The following ATAD5 variants were observed in gnomAD, a reference collection of about 807,000 sequenced individuals.
The protein encoded by ATAD5 is ATPase family AAA domain containing 5, also known as ATPase family AAA domain-containing protein 5.
Under a neutral mutation model 176.9 loss-of-function variants are expected in ATAD5, and 58 were observed. The observed-to-expected ratio is 0.33, with a 90% CI of 0.27 to 0.41. The LOEUF (loss-of-function observed/expected upper bound fraction) is 0.41. ATAD5 is among the 10% of genes least tolerant of loss of function. ATAD5 has a pLI of 1.00. For synonymous variants in ATAD5, 640 were observed against 712.6 expected (o/e 0.90, Z 1.62); for missense variants, 1,789 against 2,094.1 (o/e 0.85, Z 2.84).
In ATAD5 at chr17:30,868,432, T is replaced by C. The variant is rs1481866174; in HGVS notation, c.3313+20T>C. 6.7e-7 allele frequency: 1 copy of C among 1,482,870 alleles called. No homozygotes were observed. The allele number at this position is 1,482,870 out of a possible 1,614,324, so 91.9% of individuals were successfully genotyped here. ...ATGAAGGTATTTTGTGTGTCTTTTT[T>C]TTTTTTTTTACCATTTCACTGAACA... On this transcript the variant is annotated intron_variant, in intron 12 of 22. Transcript: ENST00000321990.
At chr17:30,849,122 C>T (rs761892324) in intron 6 of ATAD5, among the ~76,000 whole-genome samples, 38 of 152,094 alleles carry the variant, frequency 2.5e-4, no homozygotes, top group Non-Finnish European at 4.4e-4. Flanking sequence ...CTGCCTGCCT[C>T]GGCCTCCCAA....
Position 30,857,069 on chromosome 17 carries a change from C to T in ATAD5, c.2750C>T (p.Ser917Leu). 6.2e-7 allele frequency: 1 copy of T among 1,611,290 alleles called. No individual in the cohort carries two copies. The highest frequency in any genetic ancestry group is 1.1e-5 in the South Asian group (1 of 90,318). ...TGTGGTATTGCTCTTGGTGAATTTT[C>T]AACATTGAATTCAAAGTTGAAAAGC... ...SKCGIALGEFSTLNSKLKSGN... is the reference protein window; with the variant it reads ...SKCGIALGEFLTLNSKLKSGN... Residue 917 changes from serine (S) to leucine (L), a missense_variant, in exon 8 of 23, where the codon TCA becomes TTA. This residue lies in a region of ATAD5 where 487 missense variants were observed against 573.6 expected (regional missense o/e 0.85). Transcript: ENST00000321990.
At chr17:30,887,138 T>G in intron 18 of ATAD5, 54 bp from the exon 19 acceptor site, 1 of 1,420,260 alleles carries the variant, frequency 7.0e-7, no homozygotes, top group Non-Finnish European at 9.5e-7. Flanking sequence ...TATGTATTAT[T>G]GCTGTATCTA....
chr17:30,842,554 T>C (rs1906191822), intron 4 of ATAD5, among the ~76,000 whole-genome samples: 1 of 152,174 alleles, frequency 6.6e-6, no homozygotes, highest in South Asian at 2.1e-4. Flanking sequence ...TTGCTTCACA[T>C]ATGGTAAGTG....
At chr17:30,848,788 T>C (rs1191981117) in intron 6 of ATAD5, among the ~76,000 whole-genome samples, 2 of 152,192 alleles carry the variant, frequency 1.3e-5, no homozygotes, top group African/African-American at 4.8e-5. Context: ...TAGTATATGC[T>C]CTTTTGTGTC....
chr17:30,893,981 G>T lies in ATAD5; in HGVS notation c.5128G>T (p.Ala1710Ser). 3 of 1,614,006 alleles carry T rather than the reference G, an allele frequency of 1.9e-6. No homozygotes were observed. The highest frequency in any genetic ancestry group is 1.7e-6 in the Non-Finnish European group (2 of 1,179,928). The change falls in exon 21 of 23, where the codon GCA becomes TCA. Residue 1710 changes from alanine (A) to serine (S), a missense_variant. Physicochemically the swap from Ala to Ser is moderately conservative, Grantham distance 99. Around this residue, in one of 6 missense-constraint regions of ATAD5, gnomAD observed 403 missense variants for 495.1 expected, o/e 0.81. Transcript: ENST00000321990. Reference protein sequence around the residue: ...WTSQSSGELKAAAEALSFTKC... With the variant: ...WTSQSSGELKSAAEALSFTKC... ...TTCTCAAAGCTCTGGAGAATTAAAG[G>T]CAGCTGCAGAAGCTCTCAGCTTTAC...
intron 18 of ATAD5, among the ~76,000 whole-genome samples, chr17:30,880,620 A>G (rs1009735372): frequency 1.3e-5 from 2 of 151,916 alleles, no homozygotes; most frequent in Non-Finnish European, 2.9e-5. Context: ...AAAAAAAAAA[A>G]AAAGAAAAAA....
chr17:30,853,065 T>C (rs911066923), intron 6 of ATAD5, among the ~76,000 whole-genome samples: 1 of 151,844 alleles, frequency 6.6e-6, no homozygotes, highest in Non-Finnish European at 1.5e-5. Flanking sequence ...AATTTTTGTA[T>C]TTTTAGTAGA....
intron 6 of ATAD5, among the ~76,000 whole-genome samples, chr17:30,853,098 C>T (rs540050047): frequency 6.6e-6 from 1 of 151,944 alleles, no homozygotes; most frequent in East Asian, 1.9e-4. Flanking sequence ...CCATGTTGGC[C>T]TGGCTGGTCT....
At chr17:30,881,090 CT>C in intron 18 of ATAD5, among the ~76,000 whole-genome samples, 1 of 129,462 alleles carries the variant, frequency 7.7e-6, no homozygotes, top group East Asian at 2.2e-4. Context: ...TTTCCTTTTT[CT>C]TTTTTTTCAT....
At chr17:30,854,665 C>G (rs551830535) in intron 6 of ATAD5, among the ~76,000 whole-genome samples, 2 of 151,946 alleles carry the variant, frequency 1.3e-5, no homozygotes, top group Admixed American at 6.6e-5. Flanking sequence ...AGCCACCATG[C>G]CCTGCCAATT....
chr17:30,836,548 T>C (rs1905758547), intron 2 of ATAD5, among the ~76,000 whole-genome samples: 1 of 151,864 alleles, frequency 6.6e-6, no homozygotes, highest in Non-Finnish European at 1.5e-5. Context: ...TTTTTTTAAT[T>C]TTAATTTTTA....
intron 14 of ATAD5, among the ~76,000 whole-genome samples, chr17:30,874,548 CAA>C (rs1298663817): frequency 1.3e-4 from 9 of 70,164 alleles, no homozygotes; most frequent in South Asian, 5.9e-4. Context: ...TCAAAAGAAA[CAA>C]AAAAAAAAAA....
Position 30,895,315 on chromosome 17 carries a change from T to G in ATAD5, c.*402T>G, listed in dbSNP as rs1012747269. On this transcript the variant is annotated 3_prime_UTR_variant, in exon 23 of 23. Coordinates refer to ENST00000321990, the MANE Select transcript of ATAD5 (RefSeq NM_024857.5). The stretch of plus-strand genomic sequence containing the variant: ...ACAATCTCCCACTGCTAAATTTGAC[T>G]GGCTTTACAAAAACAAAAACATTAT... 4.6e-5 allele frequency: 7 copies of G among 153,622 alleles called. No homozygotes were observed. The highest frequency in any genetic ancestry group is 1.7e-4 in the African/African-American group (7 of 41,502). The allele number at this position is 153,622 out of a possible 1,614,324, so 9.5% of individuals were successfully genotyped here.
rs747758134 is a variant in ATAD5 at position 30,893,824 on chromosome 17, C to T, written c.4971C>T (p.Ser1657=). 1 of 1,613,916 alleles carries T rather than the reference C, an allele frequency of 6.2e-7. No homozygotes were observed. Among genetic ancestry groups the T allele is most frequent in the Non-Finnish European group, 8.5e-7 (1 of 1,179,888 alleles). Residue 1657 remains serine, a synonymous_variant, in exon 21 of 23, where the codon TCC becomes TCT. Coordinates refer to ENST00000321990, the MANE Select transcript of ATAD5 (RefSeq NM_024857.5). ...NSLSEFMDNM[S]FLDALLTDVR... is the part of the protein sequence containing the mutation. Reference sequence around the variant, plus strand: ...TCTCTGAGTTCATGGATAACATGTCCTTCTTAGATGCACTTTTAACTGATG... The same window carrying T: ...TCTCTGAGTTCATGGATAACATGTCTTTCTTAGATGCACTTTTAACTGATG...
chr17:30,844,406 C>T (rs1906341911), intron 5 of ATAD5, among the ~76,000 whole-genome samples: 1 of 152,120 alleles, frequency 6.6e-6, no homozygotes, highest in South Asian at 2.1e-4. Context: ...GCTGGGATTA[C>T]AGGCATGAGC....
In ATAD5 at chr17:30,860,514, C is replaced by T; in HGVS notation, c.3038C>T (p.Pro1013Leu). Reference protein sequence around the residue: ...AENSKSKRKKPNEYSKNLEKT... With the variant: ...AENSKSKRKKLNEYSKNLEKT... ...AATTCTAAGTCAAAAAGAAAGAAAC[C>T]AAATGAGTATTCAAAAAATCTGGAG... The change falls in exon 10 of 23, where the codon CCA becomes CTA. Residue 1013 changes from proline (P) to leucine (L), a missense_variant. Pro to Leu is a moderately conservative substitution (Grantham distance 98, BLOSUM62 -3). Coordinates refer to ENST00000321990, the MANE Select transcript of ATAD5 (RefSeq NM_024857.5). The T allele has an allele frequency of 1.3e-6, 2 of 1,599,464 alleles. No homozygotes were observed. The highest frequency in any genetic ancestry group is 1.7e-6 in the Non-Finnish European group (2 of 1,176,906).
chr17:30,877,996 A>G lies in ATAD5; in HGVS notation c.3919-7A>G. On this transcript the variant is annotated splice_region_variant and splice_polypyrimidine_tract_variant and intron_variant, in intron 16 of 22. Coordinates refer to ENST00000321990, the MANE Select transcript of ATAD5 (RefSeq NM_024857.5). ...TATTAATATATTAATATTCTAATAA[A>G]CTGTAGGTTGATGTAATTTTTGATG... 1 of 1,580,418 alleles carries G rather than the reference A, an allele frequency of 6.3e-7. No individual in the cohort carries two copies. The highest frequency in any genetic ancestry group is 8.7e-7 in the Non-Finnish European group (1 of 1,151,584).
intron 18 of ATAD5, among the ~76,000 whole-genome samples, chr17:30,882,023 G>T (rs1414940261): frequency 6.6e-6 from 1 of 152,142 alleles, no homozygotes; most frequent in Admixed American, 6.6e-5. Flanking sequence ...ACTTTGGGAG[G>T]CTGAGGTGGG....
Sources: allele counts gnomAD v4.1 joint callset (sites outside exome capture counted in the v4.1 genomes callset), GRCh38; gene constraint gnomAD v4.1.1; regional missense constraint gnomAD v4.1.1; transcripts MANE v1.5; gene names NCBI Gene and HGNC (gene_info 2026-07-23, HGNC 2026-07-21).